Variants in IL16 observed in about 807,000 individuals in gnomAD.
IL16 encodes pro-interleukin-16.
IL16 carries 67 observed loss-of-function variants against 110.1 expected under a neutral mutation model. The ratio of observed to expected loss-of-function variants is 0.61; its 90% CI spans 0.50 to 0.75. IL16 has a LOEUF of 0.75. Ranked by LOEUF, IL16 falls within the 30% of genes least tolerant of loss-of-function variation. The pLI, the probability that IL16 is intolerant of heterozygous loss-of-function variation, is 0.00. For missense variants in IL16, 1,545 were observed against 1,655.0 expected (o/e 0.93, Z 1.15); for synonymous variants, 689 against 662.9 (o/e 1.04, Z -0.61).
chr15:81,217,373 T>A (rs985509357), intron 1 of IL16, among the ~76,000 whole-genome samples: 1 of 152,326 alleles, frequency 6.6e-6, no homozygotes, highest in African/African-American at 2.4e-5. Context: ...GAAATTTTTT[T>A]AAAAATTAAA....
At chr15:81,190,623 C>T (rs1484698620) in intron 1 of IL16, among the ~76,000 whole-genome samples, 1 of 152,182 alleles carries the variant, frequency 6.6e-6, no homozygotes, top group Non-Finnish European at 1.5e-5. Context: ...GGTACTTAGC[C>T]TTGTGTCTAG....
intron 2 of IL16, among the ~76,000 whole-genome samples, chr15:81,226,177 G>A (rs1405146249): frequency 3.9e-5 from 6 of 152,200 alleles, no homozygotes; most frequent in Non-Finnish European, 8.8e-5. Context: ...AATGCTGACT[G>A]TGAACATTTT....
At chr15:81,305,862 C>A in intron 16 of IL16, 46 bp from the exon 17 acceptor site, 1 of 1,600,196 alleles carries the variant, frequency 6.2e-7, no homozygotes, top group South Asian at 1.1e-5. Flanking sequence ...AGTATGTGGA[C>A]TGGACTTGTG....
chr15:81,218,469 A>G (rs1896506806), intron 1 of IL16, among the ~76,000 whole-genome samples: 2 of 152,266 alleles, frequency 1.3e-5, no homozygotes, highest in East Asian at 1.9e-4. Flanking sequence ...TCCACCAGAC[A>G]TTTTAGAACC....
chr15:81,233,279 C>T (rs1470481854), intron 2 of IL16, among the ~76,000 whole-genome samples: 1 of 152,090 alleles, frequency 6.6e-6, no homozygotes, highest in East Asian at 1.9e-4. Context: ...TTGCATAACT[C>T]TAGTACAGTA....
At chr15:81,295,652 A>G (rs1256332072) in intron 12 of IL16, 3 of 423,288 alleles carry the variant, frequency 7.1e-6, no homozygotes, top group Non-Finnish European at 1.3e-5. Context: ...GAGAAGCTCA[A>G]TGATTCCTTT....
rs1900145157 is a variant in IL16, at chr15:81,299,365, G to T, written c.2054-15G>T. ...TGATGTAATGCACAGCTTTGGCCTT[G>T]TTTCTGCACTGTAGTGACCCAAACA... On this transcript the variant is annotated splice_polypyrimidine_tract_variant and intron_variant, in intron 13 of 18. Coordinates refer to ENST00000683961, the MANE Select transcript of IL16 (RefSeq NM_172217.5). The T allele has an allele frequency of 1.2e-6, 2 of 1,609,938 alleles. No homozygotes were observed. Among genetic ancestry groups the T allele is most frequent in the Non-Finnish European group, 1.7e-6 (2 of 1,180,008 alleles).
At chr15:81,232,042 G>GTTTTTTTGTTTTTTTTTTTTT (rs1897008513) in intron 2 of IL16, among the ~76,000 whole-genome samples, 8 of 57,686 alleles carry the variant, frequency 1.4e-4, no homozygotes, top group Non-Finnish European at 2.0e-4. Context: ...ATTTGTTCTT[G>GTTTTTTTGTTTTTTTTTTTTT]TTTTTTTTTT....
chr15:81,223,977 C>T (rs73499340), intron 1 of IL16, among the ~76,000 whole-genome samples: 7,771 of 152,144 alleles, frequency 0.051, 343 homozygotes, highest in East Asian at 0.16. Flanking sequence ...GGATCAAAAC[C>T]GAATTAATTT....
chr15:81,221,277 T>TC (rs1244600678), intron 1 of IL16, among the ~76,000 whole-genome samples: 18 of 151,604 alleles, frequency 1.2e-4, no homozygotes, highest in East Asian at 3.9e-4. Context: ...TCATTGTGCT[T>TC]CCCCCCCGGA....
At chr15:81,239,470 G>A (rs1595982524) in intron 2 of IL16, among the ~76,000 whole-genome samples, 1 of 152,286 alleles carries the variant, frequency 6.6e-6, no homozygotes, top group East Asian at 1.9e-4. Context: ...ACCATCTGCT[G>A]CTTAGGTTTG....
At chr15:81,243,144 T>TATATATATATATATATATATATATAC (rs1555416936) in intron 2 of IL16, among the ~76,000 whole-genome samples, 2 of 36,094 alleles carry the variant, frequency 5.5e-5, no homozygotes, top group African/African-American at 1.0e-4. Context: ...GCTATATAAG[T>TATATATATATATATATATATATATAC]ATATATATAT....
At chr15:81,258,255 C>A (rs905114158) in intron 2 of IL16, among the ~76,000 whole-genome samples, 4 of 152,092 alleles carry the variant, frequency 2.6e-5, no homozygotes, top group African/African-American at 9.7e-5. Context: ...AAAGTTGTCT[C>A]AAAATCTCAT....
At chr15:81,281,397 C>A (rs918428493) in intron 8 of IL16, among the ~76,000 whole-genome samples, 10 of 152,338 alleles carry the variant, frequency 6.6e-5, no homozygotes, top group African/African-American at 2.4e-4. Context: ...CCCTCCTCTC[C>A]CACACACTGG....
At chr15:81,206,244 G>A (rs1896013812) in intron 1 of IL16, among the ~76,000 whole-genome samples, 1 of 152,044 alleles carries the variant, frequency 6.6e-6, no homozygotes, top group Admixed American at 6.5e-5. Flanking sequence ...AACAGACCTG[G>A]ATGGTATAGC....
In IL16 at chr15:81,282,756, G is replaced by A. The variant is rs755840289; in HGVS notation, c.1199G>A (p.Arg400Gln). The A allele has an allele frequency of 6.9e-6, 11 of 1,601,462 alleles. No homozygotes were observed. The highest frequency in any genetic ancestry group is 5.0e-5 in the Admixed American group (3 of 59,988). Reference sequence around the variant, plus strand: ...GTGGCGCACCTGGACGGACGTCTCCGGTATGTCCTCACTTCTGTTTCTGAA... The same window carrying A: ...GTGGCGCACCTGGACGGACGTCTCCAGTATGTCCTCACTTCTGTTTCTGAA... ...GSVAHLDGRL[R>Q]CGDEIVEISD... Residue 400 changes from arginine to glutamine, a missense_variant and splice_region_variant, in exon 9 of 19, where the codon CGG becomes CAG. Transcript: ENST00000683961.
chr15:81,282,679 C>G lies in IL16; in HGVS notation c.1122C>G (p.Pro374=), dbSNP rs1448227677. ...VGLGIGLCSV[P]YFQCISGIFV... is the part of the protein sequence containing the mutation. ...TGGGCATCGGCCTGTGCAGCGTTCC[C>G]TACTTCCAATGCATCTCTGGCATTT... Residue 374 remains proline, a synonymous_variant, in exon 9 of 19, where the codon CCC becomes CCG. Transcript: ENST00000683961. 6 of 1,614,082 alleles carry G rather than the reference C, an allele frequency of 3.7e-6. No individual in the cohort carries two copies. The highest frequency in any genetic ancestry group is 5.1e-6 in the Non-Finnish European group (6 of 1,180,044).
At chr15:81,285,483 CT>C (rs1388374199) in intron 9 of IL16, among the ~76,000 whole-genome samples, 2 of 152,200 alleles carry the variant, frequency 1.3e-5, no homozygotes, top group African/African-American at 4.8e-5. Context: ...TAGGAAATGT[CT>C]GCTGCTTTGT....
In IL16 at chr15:81,303,158, G is replaced by A. The variant is rs1900376545; in HGVS notation, c.3319-391G>A. The A allele has an allele frequency of 5.4e-6, 1 of 186,140 alleles. No homozygotes were observed. The highest frequency in any genetic ancestry group is 8.3e-5 in the South Asian group (1 of 12,000). The allele number at this position is 186,140 out of a possible 1,614,324, so 11.5% of individuals were successfully genotyped here. ...AGGAGCAACCAATTCCTGCAGAACA[G>A]CACTGACCCCTGTTTTGTTTTTTGT... On this transcript the variant is annotated intron_variant, in intron 15 of 18. Transcript: ENST00000683961. This position sits in a 1 kb window ranked among gnomAD's most constrained non-coding sequence, Gnocchi z 4.1.
Sources: allele counts gnomAD v4.1 joint callset (sites outside exome capture counted in the v4.1 genomes callset), GRCh38; gene constraint gnomAD v4.1.1; non-coding constraint Gnocchi (gnomAD v3.1); transcripts MANE v1.5; gene names NCBI Gene and HGNC (gene_info 2026-07-23, HGNC 2026-07-21).